The following XKR6 variants were observed in gnomAD, a reference collection of about 807,000 sequenced individuals.
XKR6 encodes the protein XK-related protein 6.
Under a neutral mutation model 56.7 loss-of-function variants are expected in XKR6, and 22 were observed. The ratio of observed to expected loss-of-function variants is 0.39; its 90% CI spans 0.28 to 0.55. The LOEUF (loss-of-function observed/expected upper bound fraction) is 0.55. XKR6 is among the 20% of genes least tolerant of loss of function. The pLI is 0.66. For synonymous variants in XKR6, 524 were observed against 387.8 expected (o/e 1.35, Z -4.13); for missense variants, 852 against 889.0 (o/e 0.96, Z 0.53).
intron 1 of XKR6, among the ~76,000 whole-genome samples, chr8:11,107,194 A>ATTTTTT (rs562010935): frequency 6.9e-6 from 1 of 144,576 alleles, no homozygotes; most frequent in Non-Finnish European, 1.5e-5. Context: ...CAGGATTCCA[A>ATTTTTT]TTTTTTTTTT....
chr8:10,996,269 G>T (rs1242813695), intron 1 of XKR6, among the ~76,000 whole-genome samples: 4 of 152,022 alleles, frequency 2.6e-5, no homozygotes, highest in Non-Finnish European at 4.4e-5. Context: ...TGGAACAGTG[G>T]GCCCCCTCAG....
intron 1 of XKR6, among the ~76,000 whole-genome samples, chr8:11,146,018 C>G (rs1419036236): frequency 6.6e-6 from 1 of 151,852 alleles, no homozygotes; most frequent in Non-Finnish European, 1.5e-5. Flanking sequence ...GGAACAGAAT[C>G]AAGCTCGGAA....
At chr8:10,984,320 A>G (rs1210929711) in intron 1 of XKR6, among the ~76,000 whole-genome samples, 1 of 152,216 alleles carries the variant, frequency 6.6e-6, no homozygotes, top group East Asian at 1.9e-4. Flanking sequence ...ACATGGATAC[A>G]CAATCACACA....
In XKR6 at chr8:11,193,058, G is replaced by A. The variant is rs528932262; in HGVS notation, c.764+7518C>T. On this transcript the variant is annotated intron_variant, in intron 1 of 2. Transcript: ENST00000416569. ...AATGTTTTAGCTCACCTACCCATGA[G>A]TGAAAGCATGTGGCCAGGGCAAACC... Among the ~76,000 whole-genome samples the A allele has an allele frequency of 2.6e-5, 4 of 152,342 alleles. No homozygotes were observed. In the South Asian group the frequency reaches 8.3e-4, roughly 32 times the overall value.
rs915038180 is a variant in XKR6, at chr8:11,047,728, A to G, written c.765-122898T>C. ...GATGGTTGCACAACAGCGCGAGTGT[A>G]CTTAATGCCACCAAACGATACGTTT... On this transcript the variant is annotated intron_variant, in intron 1 of 2. Transcript: ENST00000416569. Among the ~76,000 whole-genome samples, 5 of 152,236 alleles carry G rather than the reference A, an allele frequency of 3.3e-5. No homozygotes were observed. In the South Asian group the frequency reaches 1.0e-3, roughly 32 times the overall value.
chr8:11,103,986 C>T (rs988860760), intron 1 of XKR6, among the ~76,000 whole-genome samples: 1 of 152,174 alleles, frequency 6.6e-6, no homozygotes, highest in Non-Finnish European at 1.5e-5. Flanking sequence ...AGTAATACTG[C>T]AAATGAAGTC....
intron 1 of XKR6, among the ~76,000 whole-genome samples, chr8:10,971,589 G>A (rs2129133987): frequency 6.6e-6 from 1 of 152,180 alleles, no homozygotes; most frequent in Non-Finnish European, 1.5e-5. Flanking sequence ...AAGAAACTTA[G>A]GCCCAGAGAA....
At chr8:10,992,337 T>C (rs1417826038) in intron 1 of XKR6, among the ~76,000 whole-genome samples, 1 of 152,074 alleles carries the variant, frequency 6.6e-6, no homozygotes, top group East Asian at 1.9e-4. Context: ...CAGATTTTAG[T>C]GGCTGCTTAT....
intron 1 of XKR6, among the ~76,000 whole-genome samples, chr8:11,004,328 C>T (rs985044198): frequency 9.9e-5 from 15 of 152,058 alleles, no homozygotes; most frequent in Admixed American, 6.5e-4. Flanking sequence ...AAAAATTAAC[C>T]GGGCATGTTG....
At chr8:11,073,036 C>T (rs992397772) in intron 1 of XKR6, among the ~76,000 whole-genome samples, 3 of 151,982 alleles carry the variant, frequency 2.0e-5, no homozygotes, top group Non-Finnish European at 4.4e-5. Context: ...AGCGACAGAG[C>T]GAGACTCCAT....
At chr8:11,022,390 C>CT (rs1798767957) in intron 1 of XKR6, among the ~76,000 whole-genome samples, 1 of 152,068 alleles carries the variant, frequency 6.6e-6, no homozygotes, top group Admixed American at 6.6e-5. Flanking sequence ...CCTGCAGCGA[C>CT]CCAAAACTCT....
chr8:11,105,961 C>T (rs78871329), intron 1 of XKR6: 1 of 152,130 alleles, frequency 6.6e-6, no homozygotes, highest in Non-Finnish European at 1.5e-5. Context: ...AAACGACAAG[C>T]TTTTAAATAA....
chr8:11,123,965 T>C (rs1463698477), intron 1 of XKR6: 7 of 456,068 alleles, frequency 1.5e-5, no homozygotes, highest in Non-Finnish European at 2.6e-5. Context: ...CAGTGCTACC[T>C]GCTCAGAGGC....
intron 1 of XKR6, among the ~76,000 whole-genome samples, chr8:11,077,266 C>T (rs1021064075): frequency 6.6e-6 from 1 of 152,148 alleles, no homozygotes; most frequent in African/African-American, 2.4e-5. Context: ...AAAGCCTCAG[C>T]GTGGCCTCTT....
rs6601553 is a variant in XKR6, at chr8:11,052,463, C to A, written c.765-127633G>T. ...GTGTCCAGTTCCCTGTGGAATCTCC[C>A]GGACCGACACTGGCTGGCATCTGGC... is the stretch of plus-strand genomic sequence containing the variant. On this transcript the variant is annotated intron_variant, in intron 1 of 2. Transcript: ENST00000416569. 4.6e-5 allele frequency among the ~76,000 whole-genome samples: 7 copies of A among 152,196 alleles called. No individual in the cohort carries two copies. In the East Asian group the frequency reaches 5.8e-4, roughly 13 times the overall value.
intron 1 of XKR6, among the ~76,000 whole-genome samples, chr8:11,008,732 G>A (rs11988372): frequency 0.48 from 72,499 of 151,962 alleles, 22,112 homozygotes; most frequent in African/African-American, 0.86. Context: ...CTTTCCAAAG[G>A]GTTCACCGGT....
intron 1 of XKR6, among the ~76,000 whole-genome samples, chr8:11,010,920 A>G (rs74511024): frequency 0.046 from 7,023 of 152,108 alleles, 537 homozygotes; most frequent in African/African-American, 0.16. Context: ...CACTCATGTG[A>G]CCGCTGGTTA....
chr8:11,041,560 A>G (rs979451578), intron 1 of XKR6, among the ~76,000 whole-genome samples: 48 of 152,142 alleles, frequency 3.2e-4, no homozygotes, highest in African/African-American at 1.1e-3. Flanking sequence ...TGTCTCAAAA[A>G]AAAAAAAAAA....
At chr8:11,193,131 A>G (rs766074647) in intron 1 of XKR6, among the ~76,000 whole-genome samples, 4 of 152,212 alleles carry the variant, frequency 2.6e-5, no homozygotes, top group Admixed American at 1.3e-4. Flanking sequence ...GAAGAAAACA[A>G]TATGTAGCTC....
Sources: gnomAD v4.1 joint callset for allele counts (sites outside exome capture counted in the v4.1 genomes callset) on GRCh38, gnomAD v4.1.1 for gene constraint, MANE v1.5 for transcripts, NCBI Gene and HGNC (gene_info 2026-07-23, HGNC 2026-07-21) for gene names.